The following AGO4 variants were observed in gnomAD, a reference collection of about 807,000 sequenced individuals.
AGO4 encodes the protein protein argonaute-4.
In AGO4, 33 loss-of-function variants were observed where a neutral mutation model predicts 104.7. The observed-to-expected ratio is 0.32, with a 90% CI of 0.24 to 0.42. The LOEUF (loss-of-function observed/expected upper bound fraction) is 0.42. Ranked by LOEUF, AGO4 falls within the 10% of genes least tolerant of loss-of-function variation. The pLI is 1.00. For synonymous variants in AGO4, 331 were observed against 364.7 expected, an observed-to-expected ratio of 0.91 and a Z score of 1.05; for missense variants, 711 against 1,083.4, an observed-to-expected ratio of 0.66 and a Z score of 4.83.
At chr1:35,851,686 A>G (rs1036234389) in intron 17 of AGO4, among the ~76,000 whole-genome samples, 3 of 152,260 alleles carry the variant, frequency 2.0e-5, no homozygotes, top group African/African-American at 4.8e-5. Context: ...TCAGCTGCTA[A>G]ATAGTAGACA....
At chr1:35,820,427 G>A (rs1033827666) in intron 2 of AGO4, among the ~76,000 whole-genome samples, 4 of 151,900 alleles carry the variant, frequency 2.6e-5, no homozygotes, top group Admixed American at 2.6e-4. Context: ...GTGCGATCTT[G>A]GCTCACTGAA....
chr1:35,811,170 C>T (rs1199504892), intron 1 of AGO4, among the ~76,000 whole-genome samples: 1 of 150,812 alleles, frequency 6.6e-6, no homozygotes, highest in African/African-American at 2.4e-5. Context: ...CCAACCAAAC[C>T]ACAACAAAAA....
Position 35,825,950 on chromosome 1 carries a change from C to T in AGO4, c.650C>T (p.Ala217Val). ...IDVSATAFYR[A>V]QPIIEFMCEV... ...GTATCTGCAACTGCTTTCTACCGGGCTCAGCCTATCATTGAGTTCATGTGT... is the reference window on the plus strand; with the variant it reads ...GTATCTGCAACTGCTTTCTACCGGGTTCAGCCTATCATTGAGTTCATGTGT... The change falls in exon 6 of 18, where the codon GCT becomes GTT. Residue 217 changes from alanine (A) to valine (V), a missense_variant. Around this residue, in one of 3 missense-constraint regions of AGO4, gnomAD observed 308 missense variants for 397.8 expected, o/e 0.77. Coordinates refer to ENST00000373210, the MANE Select transcript of AGO4 (RefSeq NM_017629.4). The T allele has an allele frequency of 6.2e-7, 1 of 1,614,188 alleles. No homozygotes were observed.
chr1:35,815,640 T>G (rs1643667526), intron 1 of AGO4, among the ~76,000 whole-genome samples: 1 of 151,510 alleles, frequency 6.6e-6, no homozygotes, highest in Non-Finnish European at 1.5e-5. Context: ...TTTGAAATAG[T>G]TTGGAAATAT....
intron 11 of AGO4, 38 bp downstream of exon 11, chr1:35,832,608 T>A (rs1318893256): frequency 1.9e-6 from 3 of 1,603,954 alleles, no homozygotes; most frequent in Non-Finnish European, 2.6e-6. Context: ...TAATATCCCT[T>A]CCAGATATGA....
rs745437931 is a variant in AGO4, at chr1:35,841,697, G to T, written c.2122G>T (p.Val708Leu). 2 of 1,613,832 alleles carry T rather than the reference G, an allele frequency of 1.2e-6. No individual in the cohort carries two copies. The highest frequency in any genetic ancestry group is 2.2e-5 in the South Asian group (2 of 91,070). ...EDYRPGITYI[V>L]VQKRHHTRLF... Reference sequence around the variant, plus strand: ...TTACCGGCCAGGAATAACTTATATTGTGGTGCAAAAAAGACATCACACACG... The same window carrying T: ...TTACCGGCCAGGAATAACTTATATTTTGGTGCAAAAAAGACATCACACACG... Residue 708 changes from valine to leucine, a missense_variant, in exon 15 of 18, where the codon GTG becomes TTG. Val to Leu is a conservative substitution (Grantham distance 32). Transcript: ENST00000373210. This position sits in a 1 kb window ranked among gnomAD's most constrained non-coding sequence, Gnocchi z 4.7.
At chr1:35,836,753 G>A (rs1397069987) in intron 13 of AGO4, among the ~76,000 whole-genome samples, 1 of 152,172 alleles carries the variant, frequency 6.6e-6, no homozygotes, top group African/African-American at 2.4e-5. Context: ...CATTTTTGGT[G>A]AACTGAAACA....
At position 35,835,921 on chromosome 1, in the gene AGO4, C is replaced by G; in HGVS notation, c.1652C>G (p.Thr551Ser). ...VKNVVKTSPQTLSNLCLKINA... is the reference protein window; with the variant it reads ...VKNVVKTSPQSLSNLCLKINA... ...AATGTAGTGAAGACCTCACCTCAAA[C>G]CCTTTCCAATCTTTGCCTGAAGATA... is the stretch of plus-strand genomic sequence containing the variant. The change falls in exon 13 of 18, where the codon ACC becomes AGC. Residue 551 changes from threonine (T) to serine (S), a missense_variant. By Grantham distance (58) the Thr-to-Ser change is moderately conservative (BLOSUM62 1). This residue lies in a region of AGO4 where 401 missense variants were observed against 665.5 expected (regional missense o/e 0.60). Coordinates refer to ENST00000373210, the MANE Select transcript of AGO4 (RefSeq NM_017629.4). 6.2e-7 allele frequency: 1 copy of G among 1,614,088 alleles called. No individual in the cohort carries two copies. The highest frequency in any genetic ancestry group is 8.5e-7 in the Non-Finnish European group (1 of 1,179,986).
At position 35,808,651 on chromosome 1, in the gene AGO4, G is replaced by A. The variant is rs769750252; in HGVS notation, c.19+216G>A. Among the ~76,000 whole-genome samples, 59 of 152,250 alleles carry A rather than the reference G, an allele frequency of 3.9e-4. 1 individual carries two copies. The highest frequency in any genetic ancestry group is 6.9e-4 in the Non-Finnish European group (47 of 67,992). On this transcript the variant is annotated intron_variant, in intron 1 of 17. Coordinates refer to ENST00000373210, the MANE Select transcript of AGO4 (RefSeq NM_017629.4). This position sits in a 1 kb window ranked among gnomAD's most constrained non-coding sequence, Gnocchi z 5.2. The stretch of plus-strand genomic sequence containing the variant: ...CGTTGGGTGGATCCCGAGGTCCAGG[G>A]GGGAGGTTCGGGAAGGTGACCGGCG...
chr1:35,812,363 G>T (rs1319399870), intron 1 of AGO4, among the ~76,000 whole-genome samples: 1 of 151,994 alleles, frequency 6.6e-6, no homozygotes, highest in Non-Finnish European at 1.5e-5. Flanking sequence ...CTTCTTAATC[G>T]TTTTTCTTTC....
chr1:35,837,187 A>C (rs1387072775), intron 13 of AGO4, among the ~76,000 whole-genome samples: 1 of 152,010 alleles, frequency 6.6e-6, no homozygotes, highest in African/African-American at 2.4e-5. Flanking sequence ...GGTTCAACCA[A>C]TGCTACCACC....
chr1:35,826,923 C>A, intron 7 of AGO4, 88 bp downstream of exon 7: 2 of 1,362,872 alleles, frequency 1.5e-6, no homozygotes, highest in Non-Finnish European at 2.0e-6. Context: ...GGTTATTGGC[C>A]GGGCACAGTG....
At chr1:35,816,521 C>T (rs962720768) in intron 1 of AGO4, among the ~76,000 whole-genome samples, 4 of 152,064 alleles carry the variant, frequency 2.6e-5, no homozygotes, top group Non-Finnish European at 4.4e-5. Flanking sequence ...GCACAGCAGG[C>T]CAGGTGCGGT....
At chr1:35,851,237 T>C in intron 17 of AGO4, 184 bp downstream of exon 17, 1 of 630,762 alleles carries the variant, frequency 1.6e-6, no homozygotes, top group Non-Finnish European at 2.7e-6. Context: ...TGCTCAGGCT[T>C]GTTTATACTT....
chr1:35,815,735 A>G (rs727005), intron 1 of AGO4, among the ~76,000 whole-genome samples: 30,144 of 152,098 alleles, frequency 0.2, 4,723 homozygotes, highest in East Asian at 0.7. Flanking sequence ...GTGGGGGGCT[A>G]TCTTATGCAT....
intron 15 of AGO4, among the ~76,000 whole-genome samples, chr1:35,849,265 A>G (rs1644644256): frequency 6.6e-6 from 1 of 152,162 alleles, no homozygotes. Context: ...TAAAGATAAT[A>G]AGCTTTGTTC....
At chr1:35,809,806 A>C (rs755279018) in intron 1 of AGO4, among the ~76,000 whole-genome samples, 25 of 152,150 alleles carry the variant, frequency 1.6e-4, no homozygotes, top group Non-Finnish European at 2.9e-4. Context: ...ATGTTCTGTA[A>C]GATTGTTGAG....
chr1:35,826,570 T>C (rs1310035997), intron 6 of AGO4, among the ~76,000 whole-genome samples, 178 bp from the exon 7 acceptor site: 5 of 152,232 alleles, frequency 3.3e-5, no homozygotes, highest in African/African-American at 1.2e-4. Flanking sequence ...TTAGGTAATC[T>C]GAGTTCTAAT....
intron 3 of AGO4, among the ~76,000 whole-genome samples, chr1:35,824,922 C>G (rs995161397): frequency 2.6e-5 from 4 of 152,130 alleles, no homozygotes; most frequent in African/African-American, 9.7e-5. Context: ...AACTCTGTAC[C>G]TATTAAACAA....
Sources: allele counts gnomAD v4.1 joint callset (sites outside exome capture counted in the v4.1 genomes callset), GRCh38; gene constraint gnomAD v4.1.1; regional missense constraint gnomAD v4.1.1; non-coding constraint Gnocchi (gnomAD v3.1); transcripts MANE v1.5; gene names NCBI Gene and HGNC (gene_info 2026-07-23, HGNC 2026-07-21).